Variants in MYT1L observed in about 807,000 individuals in gnomAD.
MYT1L encodes myelin transcription factor 1-like protein.
Under a neutral mutation model 126.7 loss-of-function variants are expected in MYT1L, and 12 were observed. The ratio of observed to expected loss-of-function variants is 0.09; its 90% CI spans 0.06 to 0.15. MYT1L has a LOEUF of 0.15. Among genes scored for constraint, MYT1L ranks in the 10% least tolerant of loss-of-function variants. MYT1L has a pLI of 1.00. For missense variants in MYT1L, 979 were observed against 1,585.2 expected, an observed-to-expected ratio of 0.62 and a Z score of 6.49; for synonymous variants, 541 against 604.2, an observed-to-expected ratio of 0.90 and a Z score of 1.53.
chr2:1,934,219 C>A (rs1235105971), intron 9 of MYT1L, among the ~76,000 whole-genome samples: 1 of 150,550 alleles, frequency 6.6e-6, no homozygotes, highest in African/African-American at 2.4e-5. Context: ...CGTGATCCTC[C>A]CGCCTTGGCC....
chr2:1,809,351 C>T (rs1558618318), intron 21 of MYT1L, among the ~76,000 whole-genome samples, 184 bp from the exon 22 acceptor site: 2 of 152,152 alleles, frequency 1.3e-5, no homozygotes, highest in East Asian at 3.9e-4. Context: ...ACATGGGGTG[C>T]ATGTGTGTGC....
chr2:1,893,255 T>G (rs1409094096), intron 14 of MYT1L, among the ~76,000 whole-genome samples: 1 of 152,224 alleles, frequency 6.6e-6, no homozygotes, highest in African/African-American at 2.4e-5. Context: ...CTTTACTAAT[T>G]GTTATCCCTG....
chr2:1,856,399 A>G (rs1038946605), intron 18 of MYT1L, among the ~76,000 whole-genome samples: 2 of 152,208 alleles, frequency 1.3e-5, no homozygotes, highest in Non-Finnish European at 2.9e-5. Flanking sequence ...AGAGCTCGAA[A>G]TCTAGGCATT....
chr2:2,276,724 CCTCT>C (rs893777884), intron 2 of MYT1L, among the ~76,000 whole-genome samples: 6 of 152,072 alleles, frequency 3.9e-5, no homozygotes, highest in Admixed American at 1.3e-4. Context: ...TGAATCTCAC[CCTCT>C]CTGCAGGTGC....
intron 2 of MYT1L, among the ~76,000 whole-genome samples, chr2:2,239,785 T>C (rs564431965): frequency 3.9e-5 from 6 of 152,252 alleles, no homozygotes; most frequent in South Asian, 2.1e-4. Context: ...GGCAGGTGGG[T>C]AATCTGCTAA....
At chr2:1,956,283 T>C (rs62650073) in intron 8 of MYT1L, among the ~76,000 whole-genome samples, 16,527 of 111,736 alleles carry the variant, frequency 0.15, 1,237 homozygotes, top group African/African-American at 0.24. Flanking sequence ...TATCTACCTA[T>C]CTATCATCTA....
chr2:2,235,949 A>G (rs556018272), intron 2 of MYT1L, among the ~76,000 whole-genome samples: 1 of 152,282 alleles, frequency 6.6e-6, no homozygotes, highest in South Asian at 2.1e-4. Flanking sequence ...TTTCATTTGC[A>G]TTGCATCTGA....
At chr2:2,247,791 G>T (rs1050609455) in intron 2 of MYT1L, among the ~76,000 whole-genome samples, 1 of 152,082 alleles carries the variant, frequency 6.6e-6, no homozygotes, top group Non-Finnish European at 1.5e-5. Flanking sequence ...AATGTCCAAT[G>T]AGTCAGTAAA....
rs55838351 is a variant in MYT1L at position 2,068,769 on chromosome 2, G to GTTTTT, written c.-303-14651_-303-14647dup. ...GGACACAGACACCTGTGTTCTTCTT[G>GTTTTT]TTTTTTTTTTTTTTTTTTTTTTTTT... On this transcript the variant is annotated intron_variant, in intron 3 of 24. Transcript: ENST00000647738. 6.5e-4 allele frequency among the ~76,000 whole-genome samples: 17 copies of GTTTTT among 26,190 alleles called. 2 individuals carry two copies. The highest frequency in any genetic ancestry group is 1.1e-3 in the Non-Finnish European group (15 of 13,452). 17.2% of individuals were successfully genotyped at this position (26,190 alleles called of 152,430 possible).
intron 2 of MYT1L, among the ~76,000 whole-genome samples, chr2:2,209,936 A>G (rs1042194733): frequency 1.3e-5 from 2 of 152,088 alleles, no homozygotes; most frequent in African/African-American, 4.8e-5. Flanking sequence ...GTTTCTCCAC[A>G]TTCTCTCCAG....
intron 3 of MYT1L, among the ~76,000 whole-genome samples, chr2:2,140,238 T>A (rs1303451169): frequency 6.6e-6 from 1 of 152,128 alleles, no homozygotes; most frequent in Non-Finnish European, 1.5e-5. Context: ...AAATGTTTTT[T>A]AAAATGTGCC....
At chr2:1,967,745 G>A (rs1445232009) in intron 8 of MYT1L, among the ~76,000 whole-genome samples, 1 of 152,188 alleles carries the variant, frequency 6.6e-6, no homozygotes, top group African/African-American at 2.4e-5. Flanking sequence ...TGGCCAAAGA[G>A]GGGGTGTTTT....
Position 2,224,097 on chromosome 2 carries a change from T to C in MYT1L, c.-420-51109A>G, listed in dbSNP as rs1572613268. On this transcript the variant is annotated intron_variant, in intron 2 of 24. Coordinates refer to ENST00000647738, the MANE Select transcript of MYT1L (RefSeq NM_001303052.2). The surrounding 1 kb of genome is among the most constrained non-coding windows in gnomAD (Gnocchi z 4.0). ...TCTGAAAGACAAAATAATGAATTGG[T>C]GGGGAGTTATCTAAGGAGGACAAGC... Among the ~76,000 whole-genome samples, 1 of 152,164 alleles carries C rather than the reference T, an allele frequency of 6.6e-6. No individual in the cohort carries two copies.
At position 2,163,241 on chromosome 2, in the gene MYT1L, G is replaced by A. The variant is rs140734560; in HGVS notation, c.-304+9631C>T. Among the ~76,000 whole-genome samples, 157 of 152,148 alleles carry A rather than the reference G, an allele frequency of 1.0e-3. No individual in the cohort carries two copies. The East Asian group carries it at 0.021, about 21-fold the overall frequency. On this transcript the variant is annotated intron_variant, in intron 3 of 24. Transcript: ENST00000647738. ...CTACATGGGGCTCTGATCTCTGTTC[G>A]AGACCCGAGGTGGGGGCCTTCATCA...
At chr2:1,810,366 C>T (rs1250681895) in intron 21 of MYT1L, among the ~76,000 whole-genome samples, 2 of 152,148 alleles carry the variant, frequency 1.3e-5, no homozygotes, top group Non-Finnish European at 2.9e-5. Flanking sequence ...TCTTCAACTC[C>T]TGACCTCAGG....
At chr2:2,194,607 T>C (rs1000057555) in intron 2 of MYT1L, among the ~76,000 whole-genome samples, 1 of 152,120 alleles carries the variant, frequency 6.6e-6, no homozygotes, top group African/African-American at 2.4e-5. Flanking sequence ...CTGCTCCTTT[T>C]TTCAGAAGCA....
intron 3 of MYT1L, among the ~76,000 whole-genome samples, chr2:2,160,967 A>G (rs2087784688): frequency 6.6e-6 from 1 of 152,198 alleles, no homozygotes; most frequent in Non-Finnish European, 1.5e-5. Flanking sequence ...CTGTAATCCC[A>G]GCACTTTGGG....
intron 4 of MYT1L, among the ~76,000 whole-genome samples, chr2:2,006,959 G>T (rs1432540): frequency 0.096 from 14,589 of 151,608 alleles, 818 homozygotes; most frequent in Non-Finnish European, 0.11. Context: ...CTTATATTAC[G>T]TAGTATAATA....
intron 3 of MYT1L, among the ~76,000 whole-genome samples, chr2:2,147,510 C>T (rs912317647): frequency 1.3e-5 from 2 of 152,230 alleles, no homozygotes; most frequent in African/African-American, 4.8e-5. Flanking sequence ...TTGAGGAACT[C>T]CAAGGGTAAA....
Sources: allele counts gnomAD v4.1 joint callset (sites outside exome capture counted in the v4.1 genomes callset), GRCh38; gene constraint gnomAD v4.1.1; non-coding constraint Gnocchi (gnomAD v3.1); transcripts MANE v1.5; gene names NCBI Gene and HGNC (gene_info 2026-07-23, HGNC 2026-07-21).